The following NRXN1 variants were observed in gnomAD, a reference collection of about 807,000 sequenced individuals.
NRXN1 encodes neurexin 1.
NRXN1 carries 39 observed loss-of-function variants against 150.9 expected under a neutral mutation model. That is an observed-to-expected ratio of 0.26 (90% CI 0.20 to 0.34). The LOEUF (loss-of-function observed/expected upper bound fraction) is 0.34, where lower values mean the gene tolerates loss of function less well. Among genes scored for constraint, NRXN1 ranks in the 10% least tolerant of loss-of-function variants. The pLI, the probability that NRXN1 is intolerant of heterozygous loss-of-function variation, is 1.00. For synonymous variants in NRXN1, 924 were observed against 757.0 expected (o/e 1.22, Z -3.62); for missense variants, 1,815 against 1,949.9 (o/e 0.93, Z 1.30).
At chr2:50,412,160 G>A (rs1264036470) in intron 17 of NRXN1, among the ~76,000 whole-genome samples, 1 of 151,738 alleles carries the variant, frequency 6.6e-6, no homozygotes, top group Admixed American at 6.6e-5. Flanking sequence ...AAGTACCCAG[G>A]GACACAAACA....
intron 5 of NRXN1, among the ~76,000 whole-genome samples, chr2:50,860,056 T>C (rs1270799253): frequency 2.0e-5 from 3 of 151,994 alleles, no homozygotes; most frequent in Non-Finnish European, 4.4e-5. Context: ...GCATGGAAAA[T>C]TATCCTCATT....
At chr2:50,764,451 T>C (rs948700247) in intron 5 of NRXN1, among the ~76,000 whole-genome samples, 3 of 152,078 alleles carry the variant, frequency 2.0e-5, no homozygotes, top group African/African-American at 7.2e-5. Context: ...ATTTCAGCTC[T>C]GGCTACAGGG....
rs1164764865 is a variant in NRXN1 at position 50,373,675 on chromosome 2, A to G, written c.3364+91767T>C. On this transcript the variant is annotated intron_variant, in intron 17 of 22. Transcript: ENST00000401669. ...GAAAGAAAGAAAGAAAGAAAGAAAGAAAGAAAAGAAAGAAGGAAAGAAAGA... is the reference window on the plus strand; with the variant it reads ...GAAAGAAAGAAAGAAAGAAAGAAAGGAAGAAAAGAAAGAAGGAAAGAAAGA... 2.0e-3 allele frequency among the ~76,000 whole-genome samples: 204 copies of G among 101,918 alleles called. 5 individuals carry two copies. Among genetic ancestry groups the G allele is most frequent in the African/African-American group, 8.4e-3 (178 of 21,176 alleles). The allele number at this position is 101,918 out of a possible 152,430, so 66.9% of individuals were successfully genotyped here.
At chr2:50,982,218 T>C (rs557845666) in intron 2 of NRXN1, among the ~76,000 whole-genome samples, 1 of 152,248 alleles carries the variant, frequency 6.6e-6, no homozygotes, top group African/African-American at 2.4e-5. Context: ...AATGATTAGC[T>C]AAAAACATTA....
chr2:50,766,412 T>C (rs1446945733), intron 5 of NRXN1, among the ~76,000 whole-genome samples: 1 of 152,006 alleles, frequency 6.6e-6, no homozygotes, highest in East Asian at 1.9e-4. Flanking sequence ...AGCAGAAAAC[T>C]CAAAGAATCT....
intron 5 of NRXN1, among the ~76,000 whole-genome samples, chr2:50,650,285 T>C (rs1411724144): frequency 6.6e-6 from 1 of 152,030 alleles, no homozygotes; most frequent in Non-Finnish European, 1.5e-5. Context: ...TGATAAAACA[T>C]GATTTCAGTC....
intron 22 of NRXN1, among the ~76,000 whole-genome samples, chr2:49,936,439 C>T (rs569852448): frequency 6.6e-6 from 1 of 152,114 alleles, no homozygotes; most frequent in South Asian, 2.1e-4. Flanking sequence ...TTTGTTAAAC[C>T]CTTAGTATGT....
chr2:49,979,837 G>A (rs1249033305), intron 21 of NRXN1, among the ~76,000 whole-genome samples: 1 of 151,382 alleles, frequency 6.6e-6, no homozygotes, highest in African/African-American at 2.4e-5. Flanking sequence ...TGCAAGTATG[G>A]ATTAGAGATA....
intron 17 of NRXN1, among the ~76,000 whole-genome samples, chr2:50,423,519 G>A (rs940970444): frequency 4.6e-5 from 7 of 152,060 alleles, no homozygotes; most frequent in African/African-American, 1.4e-4. Context: ...AAAGAAAAAC[G>A]AGAGAGCATC....
At chr2:50,007,390 C>T (rs912922255) in intron 21 of NRXN1, among the ~76,000 whole-genome samples, 2 of 151,952 alleles carry the variant, frequency 1.3e-5, no homozygotes, top group South Asian at 2.1e-4. Flanking sequence ...GGGGTCACCA[C>T]CCCTCGACAG....
intron 17 of NRXN1, among the ~76,000 whole-genome samples, chr2:50,407,638 G>C (rs1157349883): frequency 6.6e-6 from 1 of 151,972 alleles, no homozygotes; most frequent in Non-Finnish European, 1.5e-5. Flanking sequence ...ATGGGAGTGG[G>C]GGTGGTAGCT....
chr2:50,165,864 T>C (rs1047480815), intron 18 of NRXN1, among the ~76,000 whole-genome samples: 2 of 152,206 alleles, frequency 1.3e-5, no homozygotes, highest in Non-Finnish European at 2.9e-5. Flanking sequence ...TATCTTACTA[T>C]ATTATATATA....
At chr2:50,419,497 T>G (rs780844171) in intron 17 of NRXN1, among the ~76,000 whole-genome samples, 28 of 152,046 alleles carry the variant, frequency 1.8e-4, no homozygotes, top group Non-Finnish European at 3.2e-4. Flanking sequence ...AACTAGTGTC[T>G]GGTAGTATAC....
intron 18 of NRXN1, among the ~76,000 whole-genome samples, chr2:50,173,141 C>G (rs1262473379): frequency 2.0e-5 from 3 of 152,146 alleles, no homozygotes; most frequent in African/African-American, 7.2e-5. Context: ...TCAGGACAAA[C>G]TCTTGGGACT....
chr2:50,868,257 G>C (rs1288070436), intron 5 of NRXN1, among the ~76,000 whole-genome samples: 2 of 148,312 alleles, frequency 1.3e-5, no homozygotes, highest in Non-Finnish European at 1.5e-5. Flanking sequence ...CAGGAACATG[G>C]TTGGAACTGG....
At chr2:50,177,808 T>TCTCTCC in intron 18 of NRXN1, among the ~76,000 whole-genome samples, 1 of 114,862 alleles carries the variant, frequency 8.7e-6, no homozygotes, top group African/African-American at 3.1e-5. Flanking sequence ...TCTCTCTCTC[T>TCTCTCC]CTCCTCCTCT....
chr2:50,646,420 T>C (rs1684821000), intron 5 of NRXN1, among the ~76,000 whole-genome samples: 1 of 152,018 alleles, frequency 6.6e-6, no homozygotes, highest in Non-Finnish European at 1.5e-5. Flanking sequence ...GGGGTGACTC[T>C]TGCCTGGTGG....
intron 18 of NRXN1, among the ~76,000 whole-genome samples, chr2:50,093,932 C>T (rs185669313): frequency 6.6e-6 from 1 of 152,298 alleles, no homozygotes; most frequent in Admixed American, 6.5e-5. Flanking sequence ...GAGTTTAGGA[C>T]TGTTGTGCCA....
chr2:50,406,444 G>T lies in NRXN1; in HGVS notation c.3364+58998C>A, dbSNP rs149175987. ...TCCAAAATATTGTCCCTTACCTCTT[G>T]GACATTGGTGACACCACCCACACTC... On this transcript the variant is annotated intron_variant, in intron 17 of 22. Coordinates refer to ENST00000401669, the MANE Select transcript of NRXN1 (RefSeq NM_001330078.2). Among the ~76,000 whole-genome samples the T allele has an allele frequency of 2.6e-3, 393 of 152,180 alleles. 4 individuals carry two copies. The highest frequency in any genetic ancestry group is 9.0e-3 in the African/African-American group (374 of 41,548).
Sources: allele counts gnomAD v4.1 joint callset (sites outside exome capture counted in the v4.1 genomes callset), GRCh38; gene constraint gnomAD v4.1.1; transcripts MANE v1.5; gene names NCBI Gene and HGNC (gene_info 2026-07-23, HGNC 2026-07-21).